CSF1: variants seen among roughly 807,000 people sequenced by gnomAD.
CSF1 encodes the protein colony stimulating factor 1.
A neutral mutation model predicts 48.9 loss-of-function variants in CSF1; 9 were observed. The ratio of observed to expected loss-of-function variants is 0.18; its 90% CI spans 0.11 to 0.32. The LOEUF is 0.32. Ranked by LOEUF, CSF1 falls within the 10% of genes least tolerant of loss-of-function variation. The pLI is 1.00. For missense variants in CSF1, 672 were observed against 697.9 expected, an observed-to-expected ratio of 0.96 and a Z score of 0.42; for synonymous variants, 305 against 284.1, an observed-to-expected ratio of 1.07 and a Z score of -0.74.
intron 2 of CSF1, 51 bp downstream of exon 2, chr1:109,914,432 A>AGGCAG: frequency 2.0e-6 from 3 of 1,525,136 alleles, no homozygotes; most frequent in Non-Finnish European, 2.6e-6. Flanking sequence ...GGGGAAATGA[A>AGGCAG]GGCAGGAGCC....
In CSF1 at chr1:109,930,870, A is replaced by G. The variant is rs996013865; in HGVS notation, c.*2032A>G. The G allele has an allele frequency of 6.6e-6, 1 of 152,178 alleles. No homozygotes were observed. Among genetic ancestry groups the G allele is most frequent in the African/African-American group, 2.4e-5 (1 of 41,434 alleles). 9.4% of individuals were successfully genotyped at this position (152,178 alleles called of 1,614,324 possible). ...GTCAAGAGAGGACATTGGCTCACGC[A>G]CTGTGAGATTTTGTTTTTATACTTG... On this transcript the variant is annotated 3_prime_UTR_variant, in exon 9 of 9. Coordinates refer to ENST00000329608, the MANE Select transcript of CSF1 (RefSeq NM_000757.6).
intron 8 of CSF1, among the ~76,000 whole-genome samples, chr1:109,928,097 C>G (rs889147751): frequency 1.3e-5 from 2 of 152,212 alleles, no homozygotes; most frequent in Non-Finnish European, 2.9e-5. Context: ...GGTCCAAAGT[C>G]AAACTGTTGG....
At chr1:109,919,851 C>T (rs944736023) in intron 4 of CSF1, among the ~76,000 whole-genome samples, 1 of 151,794 alleles carries the variant, frequency 6.6e-6, no homozygotes, top group Non-Finnish European at 1.5e-5. Context: ...CCAAGCTACT[C>T]GGGAGGCTGA....
intron 1 of CSF1, among the ~76,000 whole-genome samples, chr1:109,913,473 C>T (rs1654774497): frequency 6.6e-6 from 1 of 152,190 alleles, no homozygotes; most frequent in Admixed American, 6.5e-5. Flanking sequence ...GAGCCAGTCC[C>T]ATCACTCTGG....
At chr1:109,923,130 C>T (rs1024786249) in intron 5 of CSF1, 36 bp from the exon 6 acceptor site, 1 of 1,500,050 alleles carries the variant, frequency 6.7e-7, no homozygotes, top group Non-Finnish European at 8.9e-7. Context: ...ATCTCCTCCC[C>T]ATCTTTCTCT....
chr1:109,923,170 G>A lies in CSF1; in HGVS notation c.549G>A (p.Val183=), dbSNP rs757570874. The A allele has an allele frequency of 1.3e-6, 2 of 1,510,710 alleles. No individual in the cohort carries two copies. Among genetic ancestry groups the A allele is most frequent in the Non-Finnish European group, 1.8e-6 (2 of 1,129,104 alleles). The allele number at this position is 1,510,710 out of a possible 1,614,324, so 93.6% of individuals were successfully genotyped here. ...TTCTCTCTGTGGTTCTTTCAGATGTGGTGACCAAGCCTGATTGCAACTGCC... is the reference window on the plus strand; with the variant it reads ...TTCTCTCTGTGGTTCTTTCAGATGTAGTGACCAAGCCTGATTGCAACTGCC... ...NSFAECSSQD[V]VTKPDCNCLY... The change falls in exon 6 of 9, where the codon GTG becomes GTA. Residue 183 remains valine (V), a synonymous_variant. Transcript: ENST00000329608.
intron 3 of CSF1, among the ~76,000 whole-genome samples, chr1:109,916,776 C>T (rs1647234819): frequency 1.3e-5 from 2 of 152,168 alleles, no homozygotes; most frequent in Admixed American, 1.3e-4. Flanking sequence ...TGCTAGGAAC[C>T]TACTGGACTA....
Position 109,923,249 on chromosome 1 carries a change from C to T in CSF1, c.628C>T (p.Pro210Ser). Residue 210 changes from proline (P) to serine (S), a missense_variant, in exon 6 of 9, where the codon CCC becomes TCC. Transcript: ENST00000329608. Reference protein sequence around the residue: ...SDPASVSPHQPLAPSMAPVAG... With the variant: ...SDPASVSPHQSLAPSMAPVAG... ...CCCGGCCTCTGTCTCCCCTCATCAG[C>T]CCCTCGCCCCCTCCATGGCCCCTGT... 6 of 1,598,884 alleles carry T rather than the reference C, an allele frequency of 3.8e-6. No homozygotes were observed. The highest frequency in any genetic ancestry group is 5.1e-6 in the Non-Finnish European group (6 of 1,172,704).
chr1:109,916,779 C>G (rs950711058), intron 3 of CSF1, among the ~76,000 whole-genome samples: 2 of 152,182 alleles, frequency 1.3e-5, no homozygotes, highest in African/African-American at 2.4e-5. Flanking sequence ...TAGGAACCTA[C>G]TGGACTAGAT....
chr1:109,917,495 G>A lies in CSF1; in HGVS notation c.396+32G>A, dbSNP rs373045211. 1.2e-5 allele frequency: 19 copies of A among 1,608,408 alleles called. No individual in the cohort carries two copies. In the South Asian group the frequency reaches 2.1e-4, roughly 18 times the overall value. ...AGCCCTGAGGCCTGGAGCACTGAGT[G>A]AGGGCAGAGGGTGGCTGTGGAGGCG... On this transcript the variant is annotated intron_variant, in intron 4 of 8. Coordinates refer to ENST00000329608, the MANE Select transcript of CSF1 (RefSeq NM_000757.6).
At chr1:109,911,604 C>G (rs115396258) in intron 1 of CSF1, among the ~76,000 whole-genome samples, 1 of 151,956 alleles carries the variant, frequency 6.6e-6, no homozygotes, top group Non-Finnish European at 1.5e-5. Context: ...TTCCAGCCCA[C>G]AGGCAGGAGC....
chr1:109,926,926 TTGAC>T (rs1207022317), intron 8 of CSF1, among the ~76,000 whole-genome samples: 1 of 152,238 alleles, frequency 6.6e-6, no homozygotes, highest in Non-Finnish European at 1.5e-5. Flanking sequence ...GCAATAAATG[TTGAC>T]TGACTGGCTT....
At chr1:109,928,104 T>C (rs1006237509) in intron 8 of CSF1, among the ~76,000 whole-genome samples, 3 of 152,170 alleles carry the variant, frequency 2.0e-5, no homozygotes, top group African/African-American at 7.2e-5. Context: ...AGTCAAACTG[T>C]TGGATGGGGT....
rs749034276 is a variant in CSF1 at position 109,923,977 on chromosome 1, C to G, written c.1356C>G (p.Pro452=). 1.9e-6 allele frequency: 3 copies of G among 1,614,066 alleles called. No homozygotes were observed. The highest frequency in any genetic ancestry group is 2.5e-6 in the Non-Finnish European group (3 of 1,180,034). ...GGAGCACCAGGGATCGGAGGAGCCC[C>G]GCAGAGCCAGAAGGAGGACCAGCAA... The part of the protein sequence containing the change: ...GRRSTRDRRS[P]AEPEGGPASE... The change falls in exon 6 of 9, where the codon CCC becomes CCG. Residue 452 remains proline (P), a synonymous_variant. Coordinates refer to ENST00000329608, the MANE Select transcript of CSF1 (RefSeq NM_000757.6).
At chr1:109,921,492 G>A (rs1483141072) in intron 4 of CSF1, among the ~76,000 whole-genome samples, 1 of 152,222 alleles carries the variant, frequency 6.6e-6, no homozygotes, top group Non-Finnish European at 1.5e-5. Flanking sequence ...ACCATCGGAT[G>A]GCCCAGTACT....
chr1:109,917,088 A>T (rs1423871268), intron 3 of CSF1, among the ~76,000 whole-genome samples: 2 of 151,868 alleles, frequency 1.3e-5, no homozygotes. Flanking sequence ...CATTTCCTTC[A>T]CTCTAGCCCA....
chr1:109,914,077 G>C (rs1030771921), intron 1 of CSF1, among the ~76,000 whole-genome samples, 182 bp from the exon 2 acceptor site: 2 of 152,214 alleles, frequency 1.3e-5, no homozygotes, highest in Non-Finnish European at 2.9e-5. Flanking sequence ...GGGAGAACAA[G>C]GTTGTGCTGT....
intron 4 of CSF1, among the ~76,000 whole-genome samples, chr1:109,920,333 T>C (rs1209839032): frequency 6.6e-6 from 1 of 152,066 alleles, no homozygotes; most frequent in Non-Finnish European, 1.5e-5. Flanking sequence ...AGTAGTGCCA[T>C]CTCAGCTCAC....
At chr1:109,924,282 G>T (rs1647735431) in intron 6 of CSF1, 92 bp downstream of exon 6, 2 of 1,147,426 alleles carry the variant, frequency 1.7e-6, no homozygotes, top group Admixed American at 2.7e-5. Context: ...CTTGGGTGCG[G>T]CCTGAGTTCT....
Sources: allele counts gnomAD v4.1 joint callset (sites outside exome capture counted in the v4.1 genomes callset), GRCh38; gene constraint gnomAD v4.1.1; transcripts MANE v1.5; gene names NCBI Gene and HGNC (gene_info 2026-07-23, HGNC 2026-07-21).